The following GCGR variants were observed in gnomAD, a reference collection of about 807,000 sequenced individuals.
GCGR encodes glucagon receptor.
In GCGR, 41 loss-of-function variants were observed where a neutral mutation model predicts 56.1. The observed-to-expected ratio is 0.73, with a 90% confidence interval of 0.57 to 0.95. The LOEUF is 0.95. GCGR is among the 40% of genes least tolerant of loss of function. The pLI is 0.00. For synonymous variants in GCGR, 278 were observed against 271.1 expected (o/e 1.03, Z -0.25); for missense variants, 595 against 638.2 (o/e 0.93, Z 0.73).
intron 1 of GCGR, among the ~76,000 whole-genome samples, chr17:81,808,152 G>C (rs2038000077): frequency 6.6e-6 from 1 of 152,252 alleles, no homozygotes; most frequent in Non-Finnish European, 1.5e-5. Flanking sequence ...ACTTGGCCTG[G>C]CACAGCTGCA....
rs1418322530 is a variant in GCGR, at chr17:81,812,903, C to A, written c.1134C>A (p.Arg378=). The change falls in exon 12 of 14, where the codon CGC becomes CGA. Residue 378 remains arginine (R), a synonymous_variant. Transcript: ENST00000400723. The surrounding 1 kb of genome is among the most constrained non-coding windows in gnomAD (Gnocchi z 8.5). ...ACGAGCACGCCCAGGGCACCCTGCG[C>A]TCCGCCAAGCTCTTCTTCGACCTCT... The part of the protein sequence containing the change: ...VTDEHAQGTL[R]SAKLFFDLFL... 1 of 1,536,126 alleles carries A rather than the reference C, an allele frequency of 6.5e-7. No homozygotes were observed. The highest frequency in any genetic ancestry group is 8.7e-7 in the Non-Finnish European group (1 of 1,146,766).
rs898428824 is a variant in GCGR, at chr17:81,811,482, C to T, written c.579C>T (p.Val193=). 8.5e-6 allele frequency: 13 copies of T among 1,536,562 alleles called. No homozygotes were observed. Among genetic ancestry groups the T allele is most frequent in the Non-Finnish European group, 1.1e-5 (13 of 1,146,880 alleles). The part of the protein sequence containing the change: ...SFVLKASSVL[V]IDGLLRTRYS... ...TGCTGAAAGCCAGCTCCGTGCTGGT[C>T]ATTGATGGGCTGCTCAGGACCCGCT... The change falls in exon 7 of 14, where the codon GTC becomes GTT. Residue 193 remains valine (V), a synonymous_variant. Transcript: ENST00000400723. The surrounding 1 kb of genome is among the most constrained non-coding windows in gnomAD (Gnocchi z 5.8).
rs2038119949 is a variant in GCGR at position 81,812,334 on chromosome 17, CCTGT to C, written c.948+86_948+89del. 13 of 1,459,760 alleles carry C rather than the reference CCTGT, an allele frequency of 8.9e-6. No individual in the cohort carries two copies. The highest frequency in any genetic ancestry group is 1.2e-5 in the Non-Finnish European group (13 of 1,079,718). The allele number at this position is 1,459,760 out of a possible 1,614,324, so 90.4% of individuals were successfully genotyped here. ...AGGCTGCCCCAGGAGACAGCAGCAT[CCTGT>C]CTGAGAGCGCTGGGAGGGAGCCGGC... On this transcript the variant is annotated intron_variant, in intron 10 of 13. Coordinates refer to ENST00000400723, the MANE Select transcript of GCGR (RefSeq NM_000160.5). This position sits in a 1 kb window ranked among gnomAD's most constrained non-coding sequence, Gnocchi z 8.5.
At position 81,812,128 on chromosome 17, in the gene GCGR, AG is replaced by A; in HGVS notation, c.879-51del. ...TGGCAAAATCGGGACGGGGGTGCTG[AG>A]GGGCGGAGGGGCTGGGGGCTGTGCC... On this transcript the variant is annotated intron_variant, in intron 9 of 13. Transcript: ENST00000400723. The surrounding 1 kb of genome is among the most constrained non-coding windows in gnomAD (Gnocchi z 8.5). 7.2e-7 allele frequency: 1 copy of A among 1,387,300 alleles called. No homozygotes were observed. The highest frequency in any genetic ancestry group is 9.5e-7 in the Non-Finnish European group (1 of 1,049,912). The allele number at this position is 1,387,300 out of a possible 1,614,324, so 85.9% of individuals were successfully genotyped here.
At position 81,804,444 on chromosome 17, in the gene GCGR, G is replaced by A. The variant is rs1480995282; in HGVS notation, c.-178+195G>A. On this transcript the variant is annotated intron_variant, in intron 1 of 13. Coordinates refer to ENST00000400723, the MANE Select transcript of GCGR (RefSeq NM_000160.5). This position sits in a 1 kb window ranked among gnomAD's most constrained non-coding sequence, Gnocchi z 8.2. ...CCCAACCCCGGCTCGGACACCACCC[G>A]GTCCTGCACCGTCGGGCAGGTCCAG... Among the ~76,000 whole-genome samples the A allele has an allele frequency of 1.3e-5, 2 of 151,704 alleles. No individual in the cohort carries two copies. Among genetic ancestry groups the A allele is most frequent in the African/African-American group, 4.8e-5 (2 of 41,352 alleles).
In GCGR at chr17:81,811,277, G is replaced by A. The variant is rs540678391; in HGVS notation, c.449G>A (p.Ser150Asn). ...CAGGTGATGTACACAGTGGGCTACA[G>A]CCTGTCCCTGGGGGCCCTGCTCCTC... ...SFQVMYTVGYSLSLGALLLAL... is the reference protein window; with the variant it reads ...SFQVMYTVGYNLSLGALLLAL... Residue 150 changes from serine to asparagine, a missense_variant, in exon 6 of 14, where the codon AGC (serine) becomes AAC (asparagine). Transcript: ENST00000400723. This position sits in a 1 kb window ranked among gnomAD's most constrained non-coding sequence, Gnocchi z 5.8. The A allele has an allele frequency of 3.3e-6, 5 of 1,536,180 alleles. No individual in the cohort carries two copies. The highest frequency in any genetic ancestry group is 4.9e-5 in the East Asian group (2 of 40,918).
At chr17:81,808,625 T>A (rs1023950889) in intron 1 of GCGR, among the ~76,000 whole-genome samples, 1 of 150,676 alleles carries the variant, frequency 6.6e-6, no homozygotes, top group Admixed American at 6.6e-5. Flanking sequence ...GTTCACGCCA[T>A]TCTCCTGCCT....
intron 2 of GCGR, among the ~76,000 whole-genome samples, chr17:81,809,289 CGTCTGCCTGTCT>C (rs879745573): frequency 1.6e-5 from 2 of 123,606 alleles, no homozygotes; most frequent in South Asian, 5.6e-4. Context: ...TCTGCCTGTC[CGTCTGCCTGTCT>C]GTCTGCCTGT....
chr17:81,809,645 G>GT, intron 2 of GCGR, 137 bp from the exon 3 acceptor site: 1 of 685,030 alleles, frequency 1.5e-6, no homozygotes, highest in Non-Finnish European at 2.6e-6. Context: ...CTGTCTGTCT[G>GT]CCTGTCTGCC....
chr17:81,810,729 G>A lies in GCGR; in HGVS notation c.164-96G>A. On this transcript the variant is annotated intron_variant, in intron 3 of 13. Transcript: ENST00000400723. The surrounding 1 kb of genome is among the most constrained non-coding windows in gnomAD (Gnocchi z 4.6). ...ATGTCCTGGGCGAGGTGACGGCCGA[G>A]CTCAGGCTTCCAGAGAGAGGAGAGA... 1.7e-6 allele frequency: 2 copies of A among 1,210,484 alleles called. No individual in the cohort carries two copies. Among genetic ancestry groups the A allele is most frequent in the Non-Finnish European group, 2.3e-6 (2 of 853,050 alleles). 75.0% of individuals were successfully genotyped at this position (1,210,484 alleles called of 1,614,324 possible).
rs1306988530 is a variant in GCGR, at chr17:81,813,504, C to T, written c.1249C>T (p.Arg417Cys). Residue 417 changes from arginine (R) to cysteine (C), a missense_variant, in exon 14 of 14, where the codon CGC becomes TGC. Physicochemically the swap from Arg to Cys is radical, Grantham distance 180 (BLOSUM62 -3). Coordinates refer to ENST00000400723, the MANE Select transcript of GCGR (RefSeq NM_000160.5). The surrounding 1 kb of genome is among the most constrained non-coding windows in gnomAD (Gnocchi z 5.3). ...VQSELRRRWH[R>C]WRLGKVLWEE... ...GTCGGAGCTGCGGCGGCGTTGGCAC[C>T]GCTGGCGCCTGGGCAAAGTGCTATG... 2.5e-5 allele frequency: 38 copies of T among 1,535,500 alleles called. No individual in the cohort carries two copies. Among genetic ancestry groups the T allele is most frequent in the East Asian group, 7.3e-5 (3 of 40,916 alleles).
Position 81,804,546 on chromosome 17 carries a change from C to G in GCGR, c.-178+297C>G, listed in dbSNP as rs2037907528. 6.6e-6 allele frequency among the ~76,000 whole-genome samples: 1 copy of G among 151,960 alleles called. No individual in the cohort carries two copies. The highest frequency in any genetic ancestry group is 2.4e-5 in the African/African-American group (1 of 41,406). On this transcript the variant is annotated intron_variant, in intron 1 of 13. Coordinates refer to ENST00000400723, the MANE Select transcript of GCGR (RefSeq NM_000160.5). This position sits in a 1 kb window ranked among gnomAD's most constrained non-coding sequence, Gnocchi z 8.2. ...GGGGGTGTCGCTGGCCGCCTGGCGC[C>G]CTGCGGCGGCCACACTGCAGCGGCC...
chr17:81,813,490 G>T lies in GCGR; in HGVS notation c.1235G>T (p.Arg412Leu), dbSNP rs775647518. The change falls in exon 14 of 14, where the codon CGG becomes CTG. Residue 412 changes from arginine to leucine, a missense_variant. By Grantham distance (102) the Arg-to-Leu change is moderately radical. Transcript: ENST00000400723. This position sits in a 1 kb window ranked among gnomAD's most constrained non-coding sequence, Gnocchi z 5.3. Reference sequence around the variant, plus strand: ...CCTCCCCAGGTGCAGTCGGAGCTGCGGCGGCGTTGGCACCGCTGGCGCCTG... The same window carrying T: ...CCTCCCCAGGTGCAGTCGGAGCTGCTGCGGCGTTGGCACCGCTGGCGCCTG... ...FLNKEVQSEL[R>L]RRWHRWRLGK... The T allele has an allele frequency of 1.6e-4, 252 of 1,535,078 alleles. No homozygotes were observed. Among genetic ancestry groups the T allele is most frequent in the Non-Finnish European group, 2.2e-4 (247 of 1,146,720 alleles).
Position 81,810,888 on chromosome 17 carries a change from CG to C in GCGR, c.229del (p.Ala77ProfsTer67). On this transcript the variant is annotated frameshift_variant, in exon 4 of 14. Transcript: ENST00000400723. LOFTEE classifies it high-confidence loss of function. This position sits in a 1 kb window ranked among gnomAD's most constrained non-coding sequence, Gnocchi z 4.6. ...SCWPDTPANT[T>X]ANISCPWYLP... The stretch of plus-strand genomic sequence containing the variant: ...TGGCCGGACACCCCCGCCAATACCA[CG>C]GCCAACATCTCCTGCCCCTGGTACC... 3.3e-6 allele frequency: 5 copies of C among 1,536,356 alleles called. No individual in the cohort carries two copies. Among genetic ancestry groups the C allele is most frequent in the Non-Finnish European group, 4.4e-6 (5 of 1,146,660 alleles).
At position 81,813,988 on chromosome 17, in the gene GCGR, A is replaced by G. The variant is rs2038160981; in HGVS notation, c.*299A>G. 4.5e-6 allele frequency: 2 copies of G among 442,228 alleles called. No homozygotes were observed. The highest frequency in any genetic ancestry group is 8.3e-6 in the Non-Finnish European group (2 of 242,202). The allele number at this position is 442,228 out of a possible 1,614,324, so 27.4% of individuals were successfully genotyped here. A position where few individuals can be genotyped will look rare whatever the true frequency, so the allele number is the denominator to read the frequency against. On this transcript the variant is annotated 3_prime_UTR_variant, in exon 14 of 14. Coordinates refer to ENST00000400723, the MANE Select transcript of GCGR (RefSeq NM_000160.5). This position sits in a 1 kb window ranked among gnomAD's most constrained non-coding sequence, Gnocchi z 5.3. ...CATGTGCATGGAAATGTCCTCCAAC[A>G]ATAAAGAGCTCAAGTGGTCACCGTG...
At chr17:81,805,010 C>T (rs1198733820) in intron 1 of GCGR, 1 of 152,668 alleles carries the variant, frequency 6.6e-6, no homozygotes, top group Non-Finnish European at 1.5e-5. Context: ...GCCCCGCCCC[C>T]ACGGGGTGAG....
chr17:81,811,316 T>TG lies in GCGR; in HGVS notation c.494dup (p.Leu166ProfsTer30). ...GCCCTGCTCCTCGCCTTGGCCATCCTGGGGGGCCTCAGGTAGGATTCCGCC... is the reference window on the plus strand; with the variant it reads ...GCCCTGCTCCTCGCCTTGGCCATCCTGGGGGGGCCTCAGGTAGGATTCCGCC... On this transcript the variant is annotated frameshift_variant, in exon 6 of 14. Coordinates refer to ENST00000400723, the MANE Select transcript of GCGR (RefSeq NM_000160.5). LOFTEE classifies it high-confidence loss of function. This position sits in a 1 kb window ranked among gnomAD's most constrained non-coding sequence, Gnocchi z 5.8. 22 of 1,535,170 alleles carry TG rather than the reference T, an allele frequency of 1.4e-5. No homozygotes were observed. The highest frequency in any genetic ancestry group is 2.4e-5 in the East Asian group (1 of 40,890).
chr17:81,812,777 C>G lies in GCGR; in HGVS notation c.1038-30C>G. 1 of 1,532,398 alleles carries G rather than the reference C, an allele frequency of 6.5e-7. No individual in the cohort carries two copies. Among genetic ancestry groups the G allele is most frequent in the Non-Finnish European group, 8.7e-7 (1 of 1,144,428 alleles). 94.9% of individuals were successfully genotyped at this position (1,532,398 alleles called of 1,614,324 possible). The stretch of plus-strand genomic sequence containing the variant: ...GGATGGTGCGGGCCGAGGGTGGGGG[C>G]GGTGGGTGACTCAGGCGCTGCCTCT... On this transcript the variant is annotated intron_variant, in intron 11 of 13. Transcript: ENST00000400723. The surrounding 1 kb of genome is among the most constrained non-coding windows in gnomAD (Gnocchi z 8.5).
chr17:81,809,884 G>T lies in GCGR; in HGVS notation c.163G>T (p.Glu55Ter). ...CCTGAGCCTGCTGCCCCCTCCCACG[G>T]GTGAGCCCCCCACCCAGAGCCTTTC... ...HNLSLLPPPT[E>*]LVCNRTFDKY... Residue 55 changes from glutamate to a stop codon, truncating the protein, a stop_gained and splice_region_variant, in exon 3 of 14, where the codon GAG becomes TAG. Coordinates refer to ENST00000400723, the MANE Select transcript of GCGR (RefSeq NM_000160.5). LOFTEE classifies it high-confidence loss of function. 1.3e-6 allele frequency: 2 copies of T among 1,531,574 alleles called. No homozygotes were observed. The highest frequency in any genetic ancestry group is 2.0e-5 in the Admixed American group (1 of 50,994). The allele number at this position is 1,531,574 out of a possible 1,614,324, so 94.9% of individuals were successfully genotyped here.
Sources: allele counts gnomAD v4.1 joint callset (sites outside exome capture counted in the v4.1 genomes callset), GRCh38; gene constraint gnomAD v4.1.1; non-coding constraint Gnocchi (gnomAD v3.1); transcripts MANE v1.5; gene names NCBI Gene and HGNC (gene_info 2026-07-23, HGNC 2026-07-21).